The following TTC28 variants were observed in gnomAD, a reference collection of about 807,000 sequenced individuals.
The protein encoded by TTC28 is tetratricopeptide repeat protein 28.
Under a neutral mutation model 198.0 loss-of-function variants are expected in TTC28, and 61 were observed. The ratio of observed to expected loss-of-function variants is 0.31; its 90% CI spans 0.25 to 0.38. The LOEUF (loss-of-function observed/expected upper bound fraction) is 0.38. Among genes scored for constraint, TTC28 ranks in the 10% least tolerant of loss-of-function variants. The pLI is 1.00. For missense variants in TTC28, 2,678 were observed against 3,164.0 expected, an observed-to-expected ratio of 0.85 and a Z score of 3.69; for synonymous variants, 1,171 against 1,297.8, an observed-to-expected ratio of 0.90 and a Z score of 2.10.
At chr22:28,389,080 T>A (rs1311694704) in intron 2 of TTC28, among the ~76,000 whole-genome samples, 1 of 152,194 alleles carries the variant, frequency 6.6e-6, no homozygotes. Context: ...AAAGGCCTTT[T>A]CTGCATCTAT....
chr22:28,369,456 G>C (rs2046296737), intron 2 of TTC28, among the ~76,000 whole-genome samples: 1 of 152,162 alleles, frequency 6.6e-6, no homozygotes, highest in South Asian at 2.1e-4. Context: ...TGAATGATCA[G>C]TCATCATAAC....
In TTC28 at chr22:28,107,401, T is replaced by C. The variant is rs1483686860; in HGVS notation, c.2444A>G (p.Lys815Arg). Residue 815 changes from lysine to arginine, a missense_variant, in exon 7 of 23, where the codon AAG becomes AGG. Lys to Arg is a conservative substitution (Grantham distance 26, BLOSUM62 2). Coordinates refer to ENST00000397906, the MANE Select transcript of TTC28 (RefSeq NM_001145418.2). ...TAGATCCAGTTGCTCTTCATAACAC[T>C]TGAATGCCATTGTGTATTTCCCAAG... ...MALGKYTMAF[K>R]CYEEQLDLGQ... 16 of 1,551,780 alleles carry C rather than the reference T, an allele frequency of 1.0e-5. No individual in the cohort carries two copies. The highest frequency in any genetic ancestry group is 3.9e-5 in the Admixed American group (2 of 51,006).
intron 12 of TTC28, among the ~76,000 whole-genome samples, chr22:28,082,028 T>C (rs1479195705): frequency 6.6e-6 from 1 of 152,216 alleles, no homozygotes; most frequent in African/African-American, 2.4e-5. Flanking sequence ...GTAAGTGGGA[T>C]TGTTTTCTGA....
At chr22:28,154,330 T>TTTTC (rs1569166065) in intron 6 of TTC28, among the ~76,000 whole-genome samples, 15 of 140,750 alleles carry the variant, frequency 1.1e-4, no homozygotes, top group Admixed American at 6.8e-4. Context: ...CATTTTTTTT[T>TTTTC]TTTTCTTTTC....
At chr22:28,601,838 C>G (rs1344102803) in intron 2 of TTC28, among the ~76,000 whole-genome samples, 1 of 150,854 alleles carries the variant, frequency 6.6e-6, no homozygotes, top group Non-Finnish European at 1.5e-5. Context: ...GTAGCTCTCT[C>G]CAGTTTTATA....
intron 13 of TTC28, among the ~76,000 whole-genome samples, chr22:28,029,736 CG>C (rs1175888402): frequency 1.3e-5 from 2 of 152,202 alleles, no homozygotes; most frequent in Non-Finnish European, 2.9e-5. Context: ...TTGGCACAGA[CG>C]GGTGAGCCTG....
Position 28,401,382 on chromosome 22 carries a change from G to A in TTC28, c.382-94739C>T, listed in dbSNP as rs561369734. On this transcript the variant is annotated intron_variant, in intron 2 of 22. Coordinates refer to ENST00000397906, the MANE Select transcript of TTC28 (RefSeq NM_001145418.2). ...TGTAATCCCAGCACTTTGGGAGACC[G>A]ACGTGGGCGGATCATCTGAAGTCAG... is the stretch of plus-strand genomic sequence containing the variant. Among the ~76,000 whole-genome samples, 3 of 152,254 alleles carry A rather than the reference G, an allele frequency of 2.0e-5. No individual in the cohort carries two copies. The East Asian group carries it at 5.8e-4, about 29-fold the overall frequency.
In TTC28 at chr22:27,982,298, G is replaced by A. The variant is rs1319088536; in HGVS notation, c.7369C>T (p.Arg2457Cys). ...PAGPPATAPA[R>C]PLRLPSGNGY... is the part of the protein sequence containing the mutation. ...TTTCCAGAAGGAAGCCTCAAAGGGC[G>A]CGCGGGGGCTGTGGCGGGAGGGCCG... The change falls in exon 23 of 23, where the codon CGC becomes TGC. Residue 2457 changes from arginine to cysteine, a missense_variant. By Grantham distance (180) the Arg-to-Cys change is radical. Coordinates refer to ENST00000397906, the MANE Select transcript of TTC28 (RefSeq NM_001145418.2). This position sits in a 1 kb window ranked among gnomAD's most constrained non-coding sequence, Gnocchi z 5.2. 17 of 1,512,594 alleles carry A rather than the reference G, an allele frequency of 1.1e-5. No individual in the cohort carries two copies. The highest frequency in any genetic ancestry group is 6.6e-5 in the Admixed American group (3 of 45,148). 93.7% of individuals were successfully genotyped at this position (1,512,594 alleles called of 1,614,324 possible).
intron 6 of TTC28, among the ~76,000 whole-genome samples, chr22:28,158,276 A>C (rs533777582): frequency 6.6e-6 from 1 of 152,294 alleles, no homozygotes; most frequent in Non-Finnish European, 1.5e-5. Flanking sequence ...CAAGAACTGG[A>C]AAAATCTTCC....
intron 2 of TTC28, among the ~76,000 whole-genome samples, chr22:28,511,147 G>A (rs962551858): frequency 2.0e-5 from 3 of 152,116 alleles, no homozygotes; most frequent in African/African-American, 7.2e-5. Flanking sequence ...CACAGAATTA[G>A]GAAAAACTAT....
intron 2 of TTC28, among the ~76,000 whole-genome samples, chr22:28,413,164 G>A (rs2047110156): frequency 1.3e-5 from 2 of 152,212 alleles, no homozygotes; most frequent in East Asian, 1.9e-4. Flanking sequence ...AGCCGGGCGC[G>A]GTGCCTCACG....
intron 1 of TTC28, among the ~76,000 whole-genome samples, chr22:28,635,541 T>C (rs867660918): frequency 6.6e-6 from 1 of 152,130 alleles, no homozygotes; most frequent in South Asian, 2.1e-4. Context: ...CTCTGACAAA[T>C]TCATCTTAAA....
chr22:28,126,219 C>T (rs760338672), intron 6 of TTC28, among the ~76,000 whole-genome samples: 69 of 152,264 alleles, frequency 4.5e-4, no homozygotes, highest in Middle Eastern at 6.8e-3. Context: ...ATAAAATAAT[C>T]GAACCACAGA....
intron 2 of TTC28, among the ~76,000 whole-genome samples, chr22:28,319,753 A>G (rs766503114): frequency 3.3e-5 from 5 of 152,234 alleles, no homozygotes; most frequent in Middle Eastern, 3.2e-3. Context: ...GTATAATGCT[A>G]GAGAATTCCA....
chr22:28,309,056 T>A (rs2045203054), intron 2 of TTC28, among the ~76,000 whole-genome samples: 1 of 151,890 alleles, frequency 6.6e-6, no homozygotes. Context: ...CACTATGGAG[T>A]TCAAGCTGAT....
intron 5 of TTC28, among the ~76,000 whole-genome samples, chr22:28,242,161 C>A (rs184838915): frequency 6.6e-6 from 1 of 152,130 alleles, no homozygotes; most frequent in East Asian, 1.9e-4. Flanking sequence ...CACTGCCTGG[C>A]GCCACAGCAC....
intron 14 of TTC28, among the ~76,000 whole-genome samples, chr22:28,013,798 C>G (rs1191578066): frequency 6.6e-6 from 1 of 152,016 alleles, no homozygotes; most frequent in East Asian, 1.9e-4. Flanking sequence ...CGGCCACATC[C>G]CCGAGGCATC....
intron 21 of TTC28, among the ~76,000 whole-genome samples, chr22:27,987,283 G>A (rs113869519): frequency 0.015 from 2,221 of 152,324 alleles, 24 homozygotes; most frequent in Non-Finnish European, 0.022. Flanking sequence ...GACAGCCTGT[G>A]TTAAGAGTTT....
chr22:28,379,997 G>T (rs1411771203), intron 2 of TTC28, among the ~76,000 whole-genome samples: 1 of 151,452 alleles, frequency 6.6e-6, no homozygotes, highest in Non-Finnish European at 1.5e-5. Context: ...ATTTGTACGG[G>T]CTACAATTTA....
Sources: gnomAD v4.1 joint callset for allele counts (sites outside exome capture counted in the v4.1 genomes callset) on GRCh38, gnomAD v4.1.1 for gene constraint, Gnocchi (gnomAD v3.1) non-coding constraint, MANE v1.5 for transcripts, NCBI Gene and HGNC (gene_info 2026-07-23, HGNC 2026-07-21) for gene names.